MUC3A: variants seen among roughly 807,000 people sequenced by gnomAD.
The protein encoded by MUC3A is mucin-3A.
In MUC3A, 109 loss-of-function variants were observed where a neutral mutation model predicts 109.0. That is an observed-to-expected ratio of 1.00 (90% CI 0.86 to 1.17). The LOEUF (loss-of-function observed/expected upper bound fraction) is 1.17, where lower values mean the gene tolerates loss of function less well. Ranked by LOEUF, MUC3A falls within the 50% of genes most tolerant of loss-of-function variation. The pLI, the probability that MUC3A is intolerant of heterozygous loss-of-function variation, is 0.00. For synonymous variants in MUC3A, 1,398 were observed against 981.4 expected (o/e 1.42, Z -7.93); for missense variants, 3,537 against 2,469.4 (o/e 1.43, Z -9.16).
Position 100,964,769 on chromosome 7 carries a change from A to G in MUC3A, c.9308A>G (p.Glu3103Gly). ...AGCCCCCAGCTGGAGAGCGAGTATG[A>G]GCAGGTGAAGACCACGCTGAAGGAG... is the stretch of plus-strand genomic sequence containing the variant. Reference protein sequence around the residue: ...PFSPQLESEYEQVKTTLKEGL... With the variant: ...PFSPQLESEYGQVKTTLKEGL... The change falls in exon 6 of 12, where the codon GAG (glutamate) becomes GGG (glycine). Residue 3103 changes from glutamate (E) to glycine (G), a missense_variant. Coordinates refer to ENST00000379458, the MANE Select transcript of MUC3A (RefSeq NM_005960.2). 1.9e-6 allele frequency: 3 copies of G among 1,598,476 alleles called. No individual in the cohort carries two copies. The highest frequency in any genetic ancestry group is 1.7e-6 in the Non-Finnish European group (2 of 1,179,764).
intron 5 of MUC3A, 118 bp from the exon 6 acceptor site, chr7:100,964,577 A>G (rs1349212934): frequency 3.5e-6 from 5 of 1,436,690 alleles, no homozygotes; most frequent in Non-Finnish European, 4.6e-6. Context: ...TGGCATCCCA[A>G]CTCATGACCT....
chr7:100,965,032 C>G, intron 6 of MUC3A, 189 bp downstream of exon 6: 1 of 1,120,030 alleles, frequency 8.9e-7, no homozygotes, highest in Non-Finnish European at 1.2e-6. Flanking sequence ...GACCTCGGTA[C>G]TGGGAAAGAG....
chr7:100,957,208 C>G lies in MUC3A; in HGVS notation c.5429C>G (p.Thr1810Ser), dbSNP rs1792120495. 2.1e-6 allele frequency: 1 copy of G among 472,138 alleles called. No homozygotes were observed. The highest frequency in any genetic ancestry group is 3.7e-6 in the Non-Finnish European group (1 of 271,456). 29.2% of individuals were successfully genotyped at this position (472,138 alleles called of 1,614,324 possible). A position where few individuals can be genotyped will look rare whatever the true frequency, so the allele number is the denominator to read the frequency against. ...CCTGTCCCAAGTACAGAAGCGATCACCAGTGGTACCACAAACACCACCCCT... is the reference window on the plus strand; with the variant it reads ...CCTGTCCCAAGTACAGAAGCGATCAGCAGTGGTACCACAAACACCACCCCT... ...STPVPSTEAI[T>S]SGTTNTTPLS... The change falls in exon 2 of 12, where the codon ACC (threonine) becomes AGC (serine). Residue 1810 changes from threonine (T) to serine (S), a missense_variant. Coordinates refer to ENST00000379458, the MANE Select transcript of MUC3A (RefSeq NM_005960.2).
chr7:100,958,516 C>G lies in MUC3A; in HGVS notation c.6737C>G (p.Thr2246Ser). The G allele has an allele frequency of 1.0e-5, 13 of 1,295,556 alleles. No homozygotes were observed. Among genetic ancestry groups the G allele is most frequent in the Non-Finnish European group, 1.3e-5 (12 of 908,394 alleles). The allele number at this position is 1,295,556 out of a possible 1,614,324, so 80.3% of individuals were successfully genotyped here. A position where few individuals can be genotyped will look rare whatever the true frequency, so the allele number is the denominator to read the frequency against. The change falls in exon 2 of 12, where the codon ACT becomes AGT. Residue 2246 changes from threonine to serine, a missense_variant. Transcript: ENST00000379458. ...TPGFTSSITT[T>S]ETTSHSTPSF... ...GGCTTCACTTCTTCAATCACCACCA[C>G]TGAGACTACATCCCACAGTACTCCC...
chr7:100,965,647 C>A, intron 7 of MUC3A, 57 bp from the exon 8 acceptor site: 5 of 1,558,982 alleles, frequency 3.2e-6, no homozygotes, highest in Non-Finnish European at 4.3e-6. Context: ...GTTATCAGGC[C>A]CCTGAATAGA....
In MUC3A at chr7:100,954,806, C is replaced by A. The variant is rs916567947; in HGVS notation, c.3027C>A (p.Pro1009=). ...CAACAGCCATGACTTCTCCTCCCCC[C>A]GTCAGTTCTTCAATCACTCCCACCA... ...SLTTAMTSPP[P]VSSSITPTNT... The change falls in exon 2 of 12, where the codon CCC becomes CCA. Residue 1009 remains proline, a synonymous_variant. Coordinates refer to ENST00000379458, the MANE Select transcript of MUC3A (RefSeq NM_005960.2). 2 of 404,978 alleles carry A rather than the reference C, an allele frequency of 4.9e-6. No individual in the cohort carries two copies. The highest frequency in any genetic ancestry group is 7.1e-5 in the East Asian group (2 of 28,162). 25.1% of individuals were successfully genotyped at this position (404,978 alleles called of 1,614,324 possible). A position where few individuals can be genotyped will look rare whatever the true frequency, so the allele number is the denominator to read the frequency against.
Position 100,965,746 on chromosome 7 carries a change from A to T in MUC3A, c.9491A>T (p.Tyr3164Phe). 1 of 1,598,418 alleles carries T rather than the reference A, an allele frequency of 6.3e-7. No homozygotes were observed. Among genetic ancestry groups the T allele is most frequent in the African/African-American group, 1.3e-5 (1 of 75,086 alleles). Residue 3164 changes from tyrosine to phenylalanine, a missense_variant, in exon 8 of 12, where the codon TAC (tyrosine) becomes TTC (phenylalanine). Physicochemically the swap from Tyr to Phe is conservative, Grantham distance 22. Transcript: ENST00000379458. ...RAAPTGYEEF[Y>F]FPLVEATRLR... ...GCTCCCACGGGCTATGAAGAGTTCT[A>T]CTTCCCCTTGGTGGAGGCCACCCGG...
rs73714250 is a variant in MUC3A at position 100,959,915 on chromosome 7, T to A, written c.8136T>A (p.Ser2712=). ...CCACTACCATTCATTCTGTTCCTTCTTCACCATACATTTTCAGTACAGAAA... is the reference window on the plus strand; with the variant it reads ...CCACTACCATTCATTCTGTTCCTTCATCACCATACATTTTCAGTACAGAAA... ...VFSTTIHSVP[S]SPYIFSTENV... Residue 2712 remains serine (S), a synonymous_variant, in exon 2 of 12, where the codon TCT becomes TCA. Transcript: ENST00000379458. 6 of 1,519,510 alleles carry A rather than the reference T, an allele frequency of 3.9e-6. No homozygotes were observed. Among genetic ancestry groups the A allele is most frequent in the South Asian group, 3.9e-5 (3 of 76,338 alleles). 94.1% of individuals were successfully genotyped at this position (1,519,510 alleles called of 1,614,324 possible).
intron 8 of MUC3A, 183 bp downstream of exon 8, chr7:100,966,049 T>TCGCCCTAACGTGTAGCCCCGCCTCC (rs1792530608): frequency 3.5e-6 from 3 of 855,792 alleles, no homozygotes; most frequent in East Asian, 3.0e-5. Context: ...GCTCTGCTCC[T>TCGCCCTAACGTGTAGCCCCGCCTCC]TTGATGGGGT....
At chr7:100,964,016 T>C in intron 5 of MUC3A, 1 of 610,474 alleles carries the variant, frequency 1.6e-6, no homozygotes. Flanking sequence ...ATTGATGACT[T>C]TGTCCCCCTC....
In MUC3A at chr7:100,960,592, C is replaced by T; in HGVS notation, c.8813C>T (p.Thr2938Ile). 4 of 1,598,688 alleles carry T rather than the reference C, an allele frequency of 2.5e-6. No individual in the cohort carries two copies. The highest frequency in any genetic ancestry group is 1.7e-4 in the Middle Eastern group (1 of 6,060). Residue 2938 changes from threonine (T) to isoleucine (I), a missense_variant, in exon 2 of 12, where the codon ACA (threonine) becomes ATA (isoleucine). Transcript: ENST00000379458. ...CCTACCACCCTTACATCACGCAGGA[C>T]AACTCGCATCACTTCTCAGATGACC... is the stretch of plus-strand genomic sequence containing the variant. ...QTPTTLTSRR[T>I]TRITSQMTTQ... is the part of the protein sequence containing the mutation.
rs1198144795 is a variant in MUC3A at position 100,953,256 on chromosome 7, A to C, written c.1477A>C (p.Asn493His). The stretch of plus-strand genomic sequence containing the variant: ...CATTCCATCTTCCCCCAGCATTCAG[A>C]ATACAGAAACCTCATCCCTTGTCAG... ...SVIPSSPSIQNTETSSLVSMT... is the reference protein window; with the variant it reads ...SVIPSSPSIQHTETSSLVSMT... Residue 493 changes from asparagine (N) to histidine (H), a missense_variant, in exon 2 of 12, where the codon AAT becomes CAT. Coordinates refer to ENST00000379458, the MANE Select transcript of MUC3A (RefSeq NM_005960.2). The C allele has an allele frequency of 9.1e-6, 5 of 549,538 alleles. No individual in the cohort carries two copies. The African/African-American group carries it at 9.5e-5, about 10-fold the overall frequency. The allele number at this position is 549,538 out of a possible 1,614,324, so 34.0% of individuals were successfully genotyped here. A position where few individuals can be genotyped will look rare whatever the true frequency, so the allele number is the denominator to read the frequency against.
At chr7:100,962,797 TTCTCTC>T (rs67170949) in intron 3 of MUC3A, among the ~76,000 whole-genome samples, 1 of 143,318 alleles carries the variant, frequency 7.0e-6, no homozygotes, top group African/African-American at 2.6e-5. Context: ...CTTTCTTTCT[TTCTCTC>T]TCTCTCTCTC....
Position 100,967,229 on chromosome 7 carries a change from T to A in MUC3A, c.*67T>A. The A allele has an allele frequency of 6.3e-7, 1 of 1,591,286 alleles. No homozygotes were observed. Among genetic ancestry groups the A allele is most frequent in the Non-Finnish European group, 8.5e-7 (1 of 1,174,948 alleles). The stretch of plus-strand genomic sequence containing the variant: ...GACACAAGGGTCTGCATTGCGTCCA[T>A]TTCAAGAGGTGGCCCCAGGACGCGG... On this transcript the variant is annotated 3_prime_UTR_variant, in exon 12 of 12. Coordinates refer to ENST00000379458, the MANE Select transcript of MUC3A (RefSeq NM_005960.2).
Position 100,960,560 on chromosome 7 carries a change from C to T in MUC3A, c.8781C>T (p.Thr2927=), listed in dbSNP as rs372413632. Residue 2927 remains threonine (T), a synonymous_variant, in exon 2 of 12, where the codon ACC becomes ACT. Transcript: ENST00000379458. ...CTTCAGAGACACCAGTGGCCACTAC[C>T]CAGACTCCTACCACCCTTACATCAC... is the stretch of plus-strand genomic sequence containing the variant. ...TRTSETPVAT[T]QTPTTLTSRR... 6.5e-5 allele frequency: 104 copies of T among 1,598,630 alleles called. No individual in the cohort carries two copies. Among genetic ancestry groups the T allele is most frequent in the Non-Finnish European group, 8.1e-5 (96 of 1,179,832 alleles).
chr7:100,953,045 C>T lies in MUC3A; in HGVS notation c.1266C>T (p.Pro422=). 1 of 1,500,404 alleles carries T rather than the reference C, an allele frequency of 6.7e-7. No individual in the cohort carries two copies. Among genetic ancestry groups the T allele is most frequent in the Non-Finnish European group, 9.2e-7 (1 of 1,090,596 alleles). 92.9% of individuals were successfully genotyped at this position (1,500,404 alleles called of 1,614,324 possible). A position where few individuals can be genotyped will look rare whatever the true frequency, so the allele number is the denominator to read the frequency against. The change falls in exon 2 of 12, where the codon CCC becomes CCT. Residue 422 remains proline, a synonymous_variant. Coordinates refer to ENST00000379458, the MANE Select transcript of MUC3A (RefSeq NM_005960.2). ...CCACAACTGCCATCTCCTCACTTCC[C>T]CCTACCTCAGGTACTATGGTGACTT... ...STSTTAISSL[P]PTSGTMVTST...
At chr7:100,963,592 G>A in intron 4 of MUC3A, 96 bp from the exon 5 acceptor site, 1 of 1,577,004 alleles carries the variant, frequency 6.3e-7, no homozygotes, top group Admixed American at 1.7e-5. Flanking sequence ...GCCGGGGAGG[G>A]GAATTGAAGG....
At position 100,963,679 on chromosome 7, in the gene MUC3A, G is replaced by A; in HGVS notation, c.9169-9G>A. ...TCGGACGTGAGCCCAGGGATCCTTG[G>A]TGTTTCAGATGCAGAAGATTTTTGC... is the stretch of plus-strand genomic sequence containing the variant. On this transcript the variant is annotated splice_polypyrimidine_tract_variant and intron_variant, in intron 4 of 11. Coordinates refer to ENST00000379458, the MANE Select transcript of MUC3A (RefSeq NM_005960.2). The A allele has an allele frequency of 2.5e-6, 4 of 1,598,452 alleles. No homozygotes were observed. Among genetic ancestry groups the A allele is most frequent in the Non-Finnish European group, 3.4e-6 (4 of 1,179,750 alleles).
In MUC3A at chr7:100,960,133, C is replaced by A. The variant is rs1278311351; in HGVS notation, c.8354C>A (p.Pro2785Gln). ...ATAGTCCCTGCCTCCCCCACTGATC[C>A]ATGTGTTGAAATGGATCCCAGCACT... ...ITIVPASPTD[P>Q]CVEMDPSTEA... is the part of the protein sequence containing the mutation. Residue 2785 changes from proline (P) to glutamine (Q), a missense_variant, in exon 2 of 12, where the codon CCA (proline) becomes CAA (glutamine). Pro to Gln is a moderately conservative substitution (Grantham distance 76). Coordinates refer to ENST00000379458, the MANE Select transcript of MUC3A (RefSeq NM_005960.2). 1 of 1,551,132 alleles carries A rather than the reference C, an allele frequency of 6.4e-7. No individual in the cohort carries two copies. The highest frequency in any genetic ancestry group is 8.7e-7 in the Non-Finnish European group (1 of 1,154,592).
Sources: allele counts gnomAD v4.1 joint callset (sites outside exome capture counted in the v4.1 genomes callset), GRCh38; gene constraint gnomAD v4.1.1; transcripts MANE v1.5; gene names NCBI Gene and HGNC (gene_info 2026-07-23, HGNC 2026-07-21).